The following NFIA variants were observed in gnomAD, a reference collection of about 807,000 sequenced individuals.
NFIA encodes nuclear factor I A.
NFIA carries 8 observed loss-of-function variants against 62.8 expected under a neutral mutation model. That is an observed-to-expected ratio of 0.13 (90% CI 0.07 to 0.23). The LOEUF (loss-of-function observed/expected upper bound fraction) is 0.23. Among genes scored for constraint, NFIA ranks in the 10% least tolerant of loss-of-function variants. NFIA has a pLI of 1.00. For synonymous variants in NFIA, 235 were observed against 238.1 expected, an observed-to-expected ratio of 0.99 and a Z score of 0.12; for missense variants, 410 against 642.1, an observed-to-expected ratio of 0.64 and a Z score of 3.91.
At chr1:61,091,845 T>A (rs1557558742) in intron 2 of NFIA, among the ~76,000 whole-genome samples, 2 of 151,434 alleles carry the variant, frequency 1.3e-5, no homozygotes, top group East Asian at 3.9e-4. Flanking sequence ...TCTGGAGAGT[T>A]GTTGTTTTTT....
chr1:61,085,580 A>G (rs1204018838), intron 1 of NFIA, among the ~76,000 whole-genome samples: 1 of 151,394 alleles, frequency 6.6e-6, no homozygotes, highest in African/African-American at 2.4e-5. Flanking sequence ...TTTTTTTTTT[A>G]ACTAATCATT....
intron 2 of NFIA, among the ~76,000 whole-genome samples, chr1:61,200,052 A>ACATATATATACGTATATATATGTG (rs1557632057): frequency 1.9e-5 from 1 of 52,336 alleles, no homozygotes; most frequent in African/African-American, 1.1e-4. Flanking sequence ...ATATATATAT[A>ACATATATATACGTATATATATGTG]TATATATATA....
intron 2 of NFIA, among the ~76,000 whole-genome samples, chr1:61,266,100 A>G (rs1478464302): frequency 1.3e-5 from 2 of 152,154 alleles, no homozygotes; most frequent in African/African-American, 4.8e-5. Flanking sequence ...CCTTTGCTGA[A>G]CACCTAACCC....
chr1:61,132,449 CA>C (rs2100491674), intron 2 of NFIA, among the ~76,000 whole-genome samples: 1 of 152,276 alleles, frequency 6.6e-6, no homozygotes, highest in Non-Finnish European at 1.5e-5. Context: ...ACTCATGGAT[CA>C]AGAAATGAGC....
intron 2 of NFIA, among the ~76,000 whole-genome samples, chr1:61,212,211 A>G (rs1376167182): frequency 2.6e-5 from 4 of 152,192 alleles, no homozygotes; most frequent in Non-Finnish European, 4.4e-5. Context: ...AACATCAAAG[A>G]CAGATTCCAT....
At position 61,088,882 on chromosome 1, in the gene NFIA, C is replaced by G. The variant is rs1200560833; in HGVS notation, c.559+202C>G. On this transcript the variant is annotated intron_variant, in intron 2 of 10. Coordinates refer to ENST00000403491, the MANE Select transcript of NFIA (RefSeq NM_001134673.4). The surrounding 1 kb of genome is among the most constrained non-coding windows in gnomAD (Gnocchi z 4.5). ...TTGAGCGAATTCTCACTAAGTTCAG[C>G]TCTTTTGGTAAGTAGTGTTTTCAGA... Among the ~76,000 whole-genome samples the G allele has an allele frequency of 1.3e-5, 2 of 152,148 alleles. No individual in the cohort carries two copies. The highest frequency in any genetic ancestry group is 4.8e-5 in the African/African-American group (2 of 41,404).
In NFIA at chr1:61,395,669, C is replaced by T. The variant is rs549915015; in HGVS notation, c.1076-8435C>T. Among the ~76,000 whole-genome samples the T allele has an allele frequency of 1.1e-4, 16 of 152,216 alleles. 1 individual carries two copies. Among genetic ancestry groups the T allele is most frequent in the South Asian group, 4.1e-4 (2 of 4,822 alleles). On this transcript the variant is annotated intron_variant, in intron 7 of 10. Transcript: ENST00000403491. ...ATATTTCCAATAATCACAGCTGTTG[C>T]GTGGCGTTTGAACACATTTCACATC...
chr1:61,091,604 A>C (rs998755109), intron 2 of NFIA, among the ~76,000 whole-genome samples: 8 of 152,164 alleles, frequency 5.3e-5, no homozygotes, highest in Non-Finnish European at 1.2e-4. Flanking sequence ...ATCATATGAC[A>C]ACTTGGGGAT....
chr1:61,079,164 AT>A (rs1646066813), upstream of NFIA, among the ~76,000 whole-genome samples: 1 of 152,206 alleles, frequency 6.6e-6, no homozygotes, highest in African/African-American at 2.4e-5. Context: ...CATAAGAAAA[AT>A]CTGCACAGAA....
chr1:61,135,947 G>A (rs1275969769), intron 2 of NFIA, among the ~76,000 whole-genome samples: 1 of 151,784 alleles, frequency 6.6e-6, no homozygotes, highest in Admixed American at 6.6e-5. Context: ...AAGTAGCAAG[G>A]GCTATTGAAA....
At chr1:61,354,165 T>G (rs1446710143) in intron 5 of NFIA, among the ~76,000 whole-genome samples, 1 of 152,198 alleles carries the variant, frequency 6.6e-6, no homozygotes, top group African/African-American at 2.4e-5. Context: ...ATGAATGTCA[T>G]TTAAAAGGCC....
chr1:61,227,380 C>G (rs957287707), intron 2 of NFIA, among the ~76,000 whole-genome samples: 1 of 152,166 alleles, frequency 6.6e-6, no homozygotes, highest in African/African-American at 2.4e-5. Context: ...CTTTGGCAAT[C>G]TAGGTCAGGA....
At chr1:61,198,177 A>T (rs529745398) in intron 2 of NFIA, among the ~76,000 whole-genome samples, 1 of 152,360 alleles carries the variant, frequency 6.6e-6, no homozygotes, top group South Asian at 2.1e-4. Context: ...CAAACTGACC[A>T]ACATTTAATT....
In NFIA at chr1:61,418,353, G is replaced by A. The variant is rs112429612; in HGVS notation, c.1421-8112G>A. ...CACACACCTGTGGTCCCAGCTACTC[G>A]GTAGGCTGAGGCAGGAGGATCACTT... On this transcript the variant is annotated intron_variant, in intron 9 of 10. Transcript: ENST00000403491. Among the ~76,000 whole-genome samples, 831 of 152,090 alleles carry A rather than the reference G, an allele frequency of 5.5e-3. 6 individuals carry two copies. Among genetic ancestry groups the A allele is most frequent in the African/African-American group, 0.019 (797 of 41,492 alleles).
chr1:61,325,656 C>T (rs558799211), intron 3 of NFIA, among the ~76,000 whole-genome samples: 6 of 152,304 alleles, frequency 3.9e-5, no homozygotes, highest in South Asian at 2.1e-4. Context: ...TGGTGGCTCA[C>T]GCCTGTAATC....
intron 6 of NFIA, among the ~76,000 whole-genome samples, chr1:61,377,673 A>G (rs991289266): frequency 6.6e-6 from 1 of 152,202 alleles, no homozygotes; most frequent in African/African-American, 2.4e-5. Flanking sequence ...TAAACTTTCT[A>G]TTCTTGACTT....
intron 2 of NFIA, among the ~76,000 whole-genome samples, chr1:61,147,523 C>T (rs1467892429): frequency 1.3e-5 from 2 of 152,188 alleles, no homozygotes. Context: ...CTTTGAGTTA[C>T]TGTAACGGAA....
chr1:61,336,940 A>G (rs1254124045), intron 4 of NFIA, among the ~76,000 whole-genome samples: 1 of 152,174 alleles, frequency 6.6e-6, no homozygotes, highest in Middle Eastern at 3.2e-3. Context: ...TTCGATTTTT[A>G]AATTTGCTAA....
At chr1:61,191,107 T>G (rs1007216115) in intron 2 of NFIA, among the ~76,000 whole-genome samples, 3 of 152,116 alleles carry the variant, frequency 2.0e-5, no homozygotes, top group African/African-American at 7.2e-5. Flanking sequence ...CTTAGTACTT[T>G]AGCTCAATGT....
Sources: allele counts gnomAD v4.1 joint callset (sites outside exome capture counted in the v4.1 genomes callset), GRCh38; gene constraint gnomAD v4.1.1; non-coding constraint Gnocchi (gnomAD v3.1); transcripts MANE v1.5; gene names NCBI Gene and HGNC (gene_info 2026-07-23, HGNC 2026-07-21).